The following HSBP1L1 variants were observed in gnomAD, a reference collection of about 807,000 sequenced individuals.
The protein encoded by HSBP1L1 is heat shock factor-binding protein 1-like protein 1.
Under a neutral mutation model 9.7 loss-of-function variants are expected in HSBP1L1, and 8 were observed. The ratio of observed to expected loss-of-function variants is 0.82; its 90% CI spans 0.48 to 1.48. The LOEUF is 1.48. HSBP1L1 is among the 40% of genes most tolerant of loss of function. The pLI is 0.00. For synonymous variants in HSBP1L1, 39 were observed against 34.4 expected (o/e 1.13, Z -0.46); for missense variants, 106 against 95.8 (o/e 1.11, Z -0.44).
At position 79,969,309 on chromosome 18, in the gene HSBP1L1, AAAG is replaced by A. The variant is rs1275030061; in HGVS notation, c.213+1127_214-1128del. ...GAGGGAGGGAGGGAGAGAGAGAGAG[AAAG>A]GAAAGAAAGAAAGAAAGAAAAAGAA... On this transcript the variant is annotated intron_variant, in intron 3 of 3. Coordinates refer to ENST00000451882, the MANE Select transcript of HSBP1L1 (RefSeq NM_001136180.2). Among the ~76,000 whole-genome samples, 161 of 44,188 alleles carry A rather than the reference AAAG, an allele frequency of 3.6e-3. 3 individuals carry two copies. The highest frequency in any genetic ancestry group is 5.5e-3 in the Non-Finnish European group (118 of 21,300). 29.0% of individuals were successfully genotyped at this position (44,188 alleles called of 152,430 possible). A position where few individuals can be genotyped will look rare whatever the true frequency, so the allele number is the denominator to read the frequency against.
Position 79,968,115 on chromosome 18 carries a change from G to A in HSBP1L1, c.145G>A (p.Asp49Asn), listed in dbSNP as rs745839531. 3 of 1,550,052 alleles carry A rather than the reference G, an allele frequency of 1.9e-6. No individual in the cohort carries two copies. Among genetic ancestry groups the A allele is most frequent in the Non-Finnish European group, 2.6e-6 (3 of 1,145,594 alleles). Reference sequence around the variant, plus strand: ...GGAAGAAATGGGAAATCGCATTGAGGACTTACAGAAGAATGTCAAGGACTT... The same window carrying A: ...GGAAGAAATGGGAAATCGCATTGAGAACTTACAGAAGAATGTCAAGGACTT... ...RMEEMGNRIE[D>N]LQKNVKDLMV... Residue 49 changes from aspartate (D) to asparagine (N), a missense_variant, in exon 3 of 4, where the codon GAC (aspartate) becomes AAC (asparagine). Transcript: ENST00000451882.
intron 2 of HSBP1L1, chr18:79,967,034 A>G (rs1014842523): frequency 7.6e-5 from 13 of 170,786 alleles, no homozygotes; most frequent in East Asian, 1.7e-4. Context: ...TGTAGTCCCA[A>G]CTACTCAGGA....
chr18:79,965,105 G>A lies in HSBP1L1; in HGVS notation c.51+319G>A, dbSNP rs535434542. ...CCTCGGGGGGCCTGAGGTCCTGGGGGGAGCCCTGCAGTACTGGGGGGCATT... is the reference window on the plus strand; with the variant it reads ...CCTCGGGGGGCCTGAGGTCCTGGGGAGAGCCCTGCAGTACTGGGGGGCATT... On this transcript the variant is annotated intron_variant, in intron 1 of 3. Transcript: ENST00000451882. 2.1e-5 allele frequency among the ~76,000 whole-genome samples: 3 copies of A among 140,230 alleles called. No homozygotes were observed. In the East Asian group the frequency reaches 7.4e-4, roughly 35 times the overall value. The allele number at this position is 140,230 out of a possible 152,430, so 92.0% of individuals were successfully genotyped here. A position where few individuals can be genotyped will look rare whatever the true frequency, so the allele number is the denominator to read the frequency against.
At chr18:79,969,331 A>AAAAGAAAGAAAGAAAAGAAAG (rs2051278496) in intron 3 of HSBP1L1, among the ~76,000 whole-genome samples, 1 of 71,976 alleles carries the variant, frequency 1.4e-5, no homozygotes, top group Non-Finnish European at 2.6e-5. Flanking sequence ...GAAAGAAAGA[A>AAAAGAAAGAAAGAAAAGAAAG]AAAGAAAGAA....
chr18:79,967,147 C>CAA (rs5826682), intron 2 of HSBP1L1, among the ~76,000 whole-genome samples: 12 of 105,168 alleles, frequency 1.1e-4, no homozygotes, highest in African/African-American at 3.7e-4. Flanking sequence ...GACTCCGTCT[C>CAA]AAAAAAAAAA....
intron 2 of HSBP1L1, 156 bp from the exon 3 acceptor site, chr18:79,967,933 G>A (rs1314608080): frequency 3.7e-6 from 2 of 536,240 alleles, no homozygotes; most frequent in Non-Finnish European, 6.6e-6. Context: ...GGAAAACTCA[G>A]GGAAAGAAGC....
chr18:79,966,000 C>G (rs1293498275), intron 1 of HSBP1L1, among the ~76,000 whole-genome samples: 1 of 152,048 alleles, frequency 6.6e-6, no homozygotes, highest in African/African-American at 2.4e-5. Context: ...GGCGCGATCT[C>G]GGCTCACTGC....
rs2051290820 is a variant in HSBP1L1, at chr18:79,970,552, G to C, written c.*101G>C. 1.4e-6 allele frequency: 1 copy of C among 705,342 alleles called. No individual in the cohort carries two copies. The highest frequency in any genetic ancestry group is 2.7e-5 in the East Asian group (1 of 36,754). 43.7% of individuals were successfully genotyped at this position (705,342 alleles called of 1,614,324 possible). A position where few individuals can be genotyped will look rare whatever the true frequency, so the allele number is the denominator to read the frequency against. On this transcript the variant is annotated 3_prime_UTR_variant, in exon 4 of 4. Transcript: ENST00000451882. ...CTCATCCAACAGGATTCGTCTTTCT[G>C]AGAAGAGACGCAAGGGGCTCGCCTG...
chr18:79,964,654 G>A lies in HSBP1L1; in HGVS notation c.-82G>A. On this transcript the variant is annotated 5_prime_UTR_variant, in exon 1 of 4. Coordinates refer to ENST00000451882, the MANE Select transcript of HSBP1L1 (RefSeq NM_001136180.2). Reference sequence around the variant, plus strand: ...CCTCCCGGCGGCCCATACGGGAATCGCGGAGCTTAGCTGTCGCCACCTCGC... The same window carrying A: ...CCTCCCGGCGGCCCATACGGGAATCACGGAGCTTAGCTGTCGCCACCTCGC... The A allele has an allele frequency of 1.3e-6, 1 of 783,510 alleles. No individual in the cohort carries two copies. The highest frequency in any genetic ancestry group is 1.9e-6 in the Non-Finnish European group (1 of 534,148). The allele number at this position is 783,510 out of a possible 1,614,324, so 48.5% of individuals were successfully genotyped here. A position where few individuals can be genotyped will look rare whatever the true frequency, so the allele number is the denominator to read the frequency against.
rs547407265 is a variant in HSBP1L1 at position 79,966,093 on chromosome 18, A to G, written c.52-519A>G. Reference sequence around the variant, plus strand: ...ACTACAGGCGCCCGCCACTGCACCCAGCTAATTTTTTGTATTTTTAGTAGA... The same window carrying G: ...ACTACAGGCGCCCGCCACTGCACCCGGCTAATTTTTTGTATTTTTAGTAGA... On this transcript the variant is annotated intron_variant, in intron 1 of 3. Transcript: ENST00000451882. Among the ~76,000 whole-genome samples, 76 of 152,094 alleles carry G rather than the reference A, an allele frequency of 5.0e-4. No individual in the cohort carries two copies. The East Asian group carries it at 0.013, about 27-fold the overall frequency.
At chr18:79,968,002 C>T in intron 2 of HSBP1L1, 87 bp from the exon 3 acceptor site, 4 of 705,436 alleles carry the variant, frequency 5.7e-6, no homozygotes, top group Non-Finnish European at 9.5e-6. Context: ...TTGCATGTGC[C>T]ATGGGAGGCG....
chr18:79,970,613 A>T lies in HSBP1L1; in HGVS notation c.*162A>T, dbSNP rs137970258. 34 of 619,312 alleles carry T rather than the reference A, an allele frequency of 5.5e-5. No homozygotes were observed. The East Asian group carries it at 9.5e-4, about 17-fold the overall frequency. The allele number at this position is 619,312 out of a possible 1,614,324, so 38.4% of individuals were successfully genotyped here. On this transcript the variant is annotated 3_prime_UTR_variant, in exon 4 of 4. Transcript: ENST00000451882. Reference sequence around the variant, plus strand: ...CGTGCCTGCACCAGAGAAGGAGGCCATCGGCAAGCCAAGGAGAGCCCTCCC... The same window carrying T: ...CGTGCCTGCACCAGAGAAGGAGGCCTTCGGCAAGCCAAGGAGAGCCCTCCC...
rs1162874355 is a variant in HSBP1L1, at chr18:79,968,094, G to A, written c.124G>A (p.Glu42Lys). The A allele has an allele frequency of 1.3e-6, 2 of 1,547,458 alleles. No individual in the cohort carries two copies. Among genetic ancestry groups the A allele is most frequent in the East Asian group, 4.9e-5 (2 of 40,890 alleles). Reference protein sequence around the residue: ...LTATLNLRMEEMGNRIEDLQK... With the variant: ...LTATLNLRMEKMGNRIEDLQK... ...AGAGCGCCTTAACACTGTACTGGAA[G>A]AAATGGGAAATCGCATTGAGGACTT... The change falls in exon 3 of 4, where the codon GAA becomes AAA. Residue 42 changes from glutamate (E) to lysine (K), a missense_variant. By Grantham distance (56) the Glu-to-Lys change is moderately conservative. Transcript: ENST00000451882.
At chr18:79,970,272 C>A (rs760850719) in intron 3 of HSBP1L1, 168 bp from the exon 4 acceptor site, 281 of 596,436 alleles carry the variant, frequency 4.7e-4, no homozygotes, top group Non-Finnish European at 7.9e-4. Context: ...GCAAGGTAGA[C>A]AGCAGGTACA....
chr18:79,969,255 AGAGAGAGGGAGGGAGG>A (rs1175808173), intron 3 of HSBP1L1, among the ~76,000 whole-genome samples: 2 of 23,730 alleles, frequency 8.4e-5, no homozygotes, highest in Non-Finnish European at 1.1e-4. Flanking sequence ...GAGAGGAGAG[AGAGAGAGGGAGGGAGG>A]GAGGGAGGGA....
intron 1 of HSBP1L1, among the ~76,000 whole-genome samples, 159 bp from the exon 2 acceptor site, chr18:79,966,453 G>C (rs2051257545): frequency 6.6e-6 from 1 of 151,714 alleles, no homozygotes. Context: ...TGAGGTGGGA[G>C]AATCACTTGA....
chr18:79,967,961 A>G, intron 2 of HSBP1L1, 128 bp from the exon 3 acceptor site: 1 of 596,784 alleles, frequency 1.7e-6, no homozygotes, highest in Admixed American at 3.3e-5. Flanking sequence ...CATGGACACT[A>G]GGCCTGTCGT....
intron 2 of HSBP1L1, among the ~76,000 whole-genome samples, chr18:79,967,275 C>T (rs148011682): frequency 1.8e-4 from 28 of 152,214 alleles, no homozygotes; most frequent in Admixed American, 1.5e-3. Context: ...AGTCCCCAAC[C>T]GGACAGTGCC....
rs2051293082 is a variant in HSBP1L1, at chr18:79,970,819, G to A, written c.*368G>A. 9.6e-6 allele frequency: 2 copies of A among 208,998 alleles called. No individual in the cohort carries two copies. Among genetic ancestry groups the A allele is most frequent in the South Asian group, 1.3e-4 (1 of 7,700 alleles). 12.9% of individuals were successfully genotyped at this position (208,998 alleles called of 1,614,324 possible). A position where few individuals can be genotyped will look rare whatever the true frequency, so the allele number is the denominator to read the frequency against. ...TACAATAAACTTACAAATGTGGAATGTAATTATTTTATCTTTTTCTGGTAA... is the reference window on the plus strand; with the variant it reads ...TACAATAAACTTACAAATGTGGAATATAATTATTTTATCTTTTTCTGGTAA... On this transcript the variant is annotated 3_prime_UTR_variant, in exon 4 of 4. Transcript: ENST00000451882.
Sources: gnomAD v4.1 joint callset for allele counts (sites outside exome capture counted in the v4.1 genomes callset) on GRCh38, gnomAD v4.1.1 for gene constraint, MANE v1.5 for transcripts, NCBI Gene and HGNC (gene_info 2026-07-23, HGNC 2026-07-21) for gene names.